Variants in KSR1 observed in about 807,000 individuals in gnomAD.
KSR1 encodes the protein kinase suppressor of ras 1.
In KSR1, 35 loss-of-function variants were observed where a neutral mutation model predicts 92.9. The ratio of observed to expected loss-of-function variants is 0.38; its 90% CI spans 0.29 to 0.50. The LOEUF (loss-of-function observed/expected upper bound fraction) is 0.50, where lower values mean the gene tolerates loss of function less well. Ranked by LOEUF, KSR1 falls within the 20% of genes least tolerant of loss-of-function variation. KSR1 has a pLI of 0.94. For missense variants in KSR1, 972 were observed against 1,158.5 expected (o/e 0.84, Z 2.34); for synonymous variants, 467 against 472.6 (o/e 0.99, Z 0.15).
At chr17:27,477,704 C>G (rs1000914820) in intron 1 of KSR1, among the ~76,000 whole-genome samples, 4 of 151,854 alleles carry the variant, frequency 2.6e-5, no homozygotes, top group African/African-American at 9.7e-5. Context: ...AGGGGAAGTT[C>G]CCTGTTCTCT....
intron 2 of KSR1, among the ~76,000 whole-genome samples, chr17:27,566,186 A>C: frequency 6.6e-6 from 1 of 150,390 alleles, no homozygotes; most frequent in Non-Finnish European, 1.5e-5. Context: ...GGCAGGGAAA[A>C]CCTCTTGGTG....
intron 1 of KSR1, among the ~76,000 whole-genome samples, chr17:27,495,076 A>G (rs2068941158): frequency 6.6e-6 from 1 of 152,208 alleles, no homozygotes. Context: ...AGTGGGTGTG[A>G]GTTCTGCACA....
At chr17:27,566,862 G>A (rs1480660398) in intron 2 of KSR1, among the ~76,000 whole-genome samples, 1 of 152,210 alleles carries the variant, frequency 6.6e-6, no homozygotes, top group Admixed American at 6.5e-5. Context: ...TTCTGAGCAT[G>A]CTGCTTTTTT....
At chr17:27,555,160 C>T (rs1000640619) in intron 2 of KSR1, among the ~76,000 whole-genome samples, 7 of 152,150 alleles carry the variant, frequency 4.6e-5, no homozygotes, top group African/African-American at 1.7e-4. Context: ...TCTCAGTCTT[C>T]CCTTAATTTC....
chr17:27,549,495 C>T (rs1042306759), intron 1 of KSR1, among the ~76,000 whole-genome samples: 1 of 152,212 alleles, frequency 6.6e-6, no homozygotes, highest in African/African-American at 2.4e-5. Flanking sequence ...TGCTGGGCAC[C>T]CAGCCAGAGC....
chr17:27,525,021 A>C (rs1013801666), intron 1 of KSR1, among the ~76,000 whole-genome samples: 6 of 152,240 alleles, frequency 3.9e-5, no homozygotes, highest in Non-Finnish European at 8.8e-5. Context: ...TCATTACTGA[A>C]AATGTGATCA....
At chr17:27,620,600 T>C (rs994896920) in intron 19 of KSR1, among the ~76,000 whole-genome samples, 5 of 152,176 alleles carry the variant, frequency 3.3e-5, no homozygotes, top group African/African-American at 4.8e-5. Context: ...GAAGAGTCTC[T>C]GGAAGAAGGT....
chr17:27,529,726 A>G (rs1222700942), intron 1 of KSR1, among the ~76,000 whole-genome samples: 1 of 152,212 alleles, frequency 6.6e-6, no homozygotes, highest in Non-Finnish European at 1.5e-5. Context: ...TTGTTTGTGC[A>G]ACCCCAGTCA....
At chr17:27,520,775 GC>G (rs1374384220) in intron 1 of KSR1, among the ~76,000 whole-genome samples, 1 of 152,194 alleles carries the variant, frequency 6.6e-6, no homozygotes, top group African/African-American at 2.4e-5. Context: ...GGGTGGGGCG[GC>G]CCCCTGCCAG....
intron 1 of KSR1, among the ~76,000 whole-genome samples, chr17:27,475,477 C>T (rs915462821): frequency 4.6e-5 from 7 of 152,136 alleles, no homozygotes; most frequent in African/African-American, 1.2e-4. Context: ...AGCGCTGGCC[C>T]GGGGCAGGCT....
chr17:27,456,976 C>T (rs1207715509), intron 1 of KSR1, 102 bp downstream of exon 1: 2 of 689,542 alleles, frequency 2.9e-6, no homozygotes, highest in East Asian at 2.7e-5. Context: ...GCCCGCGTCG[C>T]CCCCCTTGGA....
intron 1 of KSR1, among the ~76,000 whole-genome samples, chr17:27,497,405 T>A (rs1316925261): frequency 2.0e-5 from 3 of 152,220 alleles, no homozygotes; most frequent in Non-Finnish European, 4.4e-5. Context: ...TGCCCAGATG[T>A]GGCTGCATTA....
Position 27,577,526 on chromosome 17 carries a change from T to G in KSR1, c.407T>G (p.Leu136Arg). The G allele has an allele frequency of 2.5e-6, 4 of 1,599,010 alleles. No homozygotes were observed. The highest frequency in any genetic ancestry group is 3.4e-6 in the Non-Finnish European group (4 of 1,174,802). Reference sequence around the variant, plus strand: ...CGAGACCTCACGCTGGATGCCCTGCTGGAGATGAATGAGGCCAAGGTGAAG... The same window carrying G: ...CGAGACCTCACGCTGGATGCCCTGCGGGAGATGAATGAGGCCAAGGTGAAG... ...IPRDLTLDALLEMNEAKVKET... is the reference protein window; with the variant it reads ...IPRDLTLDALREMNEAKVKET... Residue 136 changes from leucine to arginine, a missense_variant, in exon 3 of 21, where the codon CTG becomes CGG. Around this residue, in one of 5 missense-constraint regions of KSR1, gnomAD observed 611 missense variants for 668.0 expected, o/e 0.91. Transcript: ENST00000644974. The surrounding 1 kb of genome is among the most constrained non-coding windows in gnomAD (Gnocchi z 4.5).
At position 27,456,477 on chromosome 17, in the gene KSR1, G is replaced by GAAA. The variant is rs2019162538; in HGVS notation, c.-167_-166insAAA. 2.6e-6 allele frequency: 1 copy of GAAA among 388,586 alleles called. No homozygotes were observed. Among genetic ancestry groups the GAAA allele is most frequent in the Non-Finnish European group, 4.5e-6 (1 of 221,726 alleles). 24.1% of individuals were successfully genotyped at this position (388,586 alleles called of 1,614,324 possible). On this transcript the variant is annotated 5_prime_UTR_variant, in exon 1 of 21. Coordinates refer to ENST00000644974, the MANE Select transcript of KSR1 (RefSeq NM_001394583.1). ...CCGCGGCTTTCGCTTTGCTGCCGCG[G>GAAA]CTGGGAGGGTGGAAGCGGCAGACTC...
At position 27,559,449 on chromosome 17, in the gene KSR1, A is replaced by G. The variant is rs1396496322; in HGVS notation, c.372+8741A>G. 6.6e-6 allele frequency among the ~76,000 whole-genome samples: 1 copy of G among 152,256 alleles called. No homozygotes were observed. The highest frequency in any genetic ancestry group is 2.4e-5 in the African/African-American group (1 of 41,456). On this transcript the variant is annotated intron_variant, in intron 2 of 20. Transcript: ENST00000644974. This position sits in a 1 kb window ranked among gnomAD's most constrained non-coding sequence, Gnocchi z 4.2. ...TTGTCCATTCAGTGTGGCAGCCCTTAGCCATATGTGGCTTGGGGACACTTG... is the reference window on the plus strand; with the variant it reads ...TTGTCCATTCAGTGTGGCAGCCCTTGGCCATATGTGGCTTGGGGACACTTG...
At chr17:27,533,267 A>C (rs1425417097) in intron 1 of KSR1, among the ~76,000 whole-genome samples, 1 of 152,080 alleles carries the variant, frequency 6.6e-6, no homozygotes, top group African/African-American at 2.4e-5. Context: ...TGTTGCAAGG[A>C]TTAAGTGAGT....
intron 15 of KSR1, 141 bp from the exon 16 acceptor site, chr17:27,609,054 CG>C: frequency 9.7e-7 from 1 of 1,029,214 alleles, no homozygotes; most frequent in South Asian, 1.7e-5. Context: ...CTCTGAACCT[CG>C]ATTTCTTCTT....
At chr17:27,464,024 A>G (rs1416637604) in intron 1 of KSR1, among the ~76,000 whole-genome samples, 1 of 152,172 alleles carries the variant, frequency 6.6e-6, no homozygotes, top group Non-Finnish European at 1.5e-5. Flanking sequence ...GGTGGTTATT[A>G]AAGGAGCACT....
chr17:27,600,953 G>A (rs2073534748), intron 10 of KSR1, among the ~76,000 whole-genome samples: 1 of 152,214 alleles, frequency 6.6e-6, no homozygotes, highest in Admixed American at 6.5e-5. Flanking sequence ...GGAGTGGTAA[G>A]GTTGAGACAC....
Sources: gnomAD v4.1 joint callset for allele counts (sites outside exome capture counted in the v4.1 genomes callset) on GRCh38, gnomAD v4.1.1 for gene constraint, gnomAD v4.1.1 regional missense constraint, Gnocchi (gnomAD v3.1) non-coding constraint, MANE v1.5 for transcripts, NCBI Gene and HGNC (gene_info 2026-07-23, HGNC 2026-07-21) for gene names.